Variants in PAPPA2 observed in about 807,000 individuals in gnomAD.
PAPPA2 encodes the protein pappalysin-2.
Under a neutral mutation model 176.4 loss-of-function variants are expected in PAPPA2, and 86 were observed. The ratio of observed to expected loss-of-function variants is 0.49; its 90% CI spans 0.41 to 0.58. The LOEUF (loss-of-function observed/expected upper bound fraction) is 0.58. PAPPA2 is among the 20% of genes least tolerant of loss of function. The probability of loss-of-function intolerance (pLI) is 0.00; values close to 1 mark genes in which losing one functional copy is unlikely to be tolerated. For synonymous variants in PAPPA2, 809 were observed against 852.2 expected (o/e 0.95, Z 0.88); for missense variants, 2,073 against 2,256.9 (o/e 0.92, Z 1.65).
chr1:176,797,988 G>A (rs1327460350), intron 20 of PAPPA2, among the ~76,000 whole-genome samples: 1 of 152,118 alleles, frequency 6.6e-6, no homozygotes, highest in Admixed American at 6.5e-5. Context: ...AAGTCACTGA[G>A]GTAAGAAGTA....
intron 21 of PAPPA2, among the ~76,000 whole-genome samples, chr1:176,838,670 A>G (rs1399629694): frequency 2.0e-5 from 3 of 152,246 alleles, no homozygotes; most frequent in African/African-American, 7.2e-5. Flanking sequence ...CAAGTTCTCT[A>G]GAGCCAGAAT....
chr1:176,604,865 T>C (rs1442263355), intron 3 of PAPPA2, among the ~76,000 whole-genome samples: 1 of 152,200 alleles, frequency 6.6e-6, no homozygotes, highest in Non-Finnish European at 1.5e-5. Context: ...AGGGTTTTAG[T>C]AGAGTAAAAA....
chr1:176,750,693 A>G (rs975628068), intron 14 of PAPPA2, among the ~76,000 whole-genome samples: 1 of 152,354 alleles, frequency 6.6e-6, no homozygotes, highest in African/African-American at 2.4e-5. Context: ...TATATACTGT[A>G]TTCTTACAAA....
intron 9 of PAPPA2, among the ~76,000 whole-genome samples, chr1:176,705,751 A>G (rs962915914): frequency 1.3e-5 from 2 of 152,170 alleles, no homozygotes; most frequent in African/African-American, 2.4e-5. Context: ...CTTCCCTGCA[A>G]TATATGTTAG....
At chr1:176,517,728 C>A (rs76171845) in intron 1 of PAPPA2, among the ~76,000 whole-genome samples, 8,642 of 152,220 alleles carry the variant, frequency 0.057, 362 homozygotes, top group Middle Eastern at 0.095. Context: ...TTTGGAATCA[C>A]TCACCACCGG....
chr1:176,795,299 G>C (rs1397062305), intron 20 of PAPPA2, among the ~76,000 whole-genome samples: 1 of 151,960 alleles, frequency 6.6e-6, no homozygotes, highest in African/African-American at 2.4e-5. Flanking sequence ...CTTCACCCCC[G>C]GTATCTCCTC....
chr1:176,466,481 A>G (rs1231854029), intron 1 of PAPPA2, among the ~76,000 whole-genome samples: 1 of 152,164 alleles, frequency 6.6e-6, no homozygotes, highest in Non-Finnish European at 1.5e-5. Flanking sequence ...ATTAAATATT[A>G]ATATTAGTAT....
At chr1:176,747,632 T>C (rs977984602) in intron 14 of PAPPA2, among the ~76,000 whole-genome samples, 9 of 152,340 alleles carry the variant, frequency 5.9e-5, no homozygotes, top group African/African-American at 1.7e-4. Flanking sequence ...GCCTGGCTTA[T>C]GTGTGTATTA....
chr1:176,661,649 G>T (rs989618690), intron 3 of PAPPA2, among the ~76,000 whole-genome samples: 1 of 151,674 alleles, frequency 6.6e-6, no homozygotes, highest in African/African-American at 2.4e-5. Flanking sequence ...GGCAGAGTAA[G>T]TGAAGGCAGT....
intron 1 of PAPPA2, among the ~76,000 whole-genome samples, chr1:176,508,619 C>G (rs1648429627): frequency 6.6e-6 from 1 of 152,006 alleles, no homozygotes; most frequent in Non-Finnish European, 1.5e-5. Context: ...GTCTCAATGA[C>G]AATGATATGG....
At chr1:176,767,371 G>C (rs760946990) in intron 15 of PAPPA2, among the ~76,000 whole-genome samples, 1 of 152,042 alleles carries the variant, frequency 6.6e-6, no homozygotes, top group East Asian at 1.9e-4. Flanking sequence ...ACGGAGTCTC[G>C]CTCTGTCGCC....
At chr1:176,481,141 T>TTAAG (rs1300674364) in intron 1 of PAPPA2, among the ~76,000 whole-genome samples, 7 of 152,140 alleles carry the variant, frequency 4.6e-5, no homozygotes, top group African/African-American at 1.7e-4. Flanking sequence ...GAATATTGGA[T>TTAAG]TAAGACTGGC....
At chr1:176,626,025 A>C (rs1655986318) in intron 3 of PAPPA2, among the ~76,000 whole-genome samples, 2 of 152,180 alleles carry the variant, frequency 1.3e-5, no homozygotes, top group East Asian at 3.9e-4. Context: ...TCTGTCTCTA[A>C]AAAGATTTGT....
chr1:176,728,011 G>A (rs2102858114), intron 12 of PAPPA2, among the ~76,000 whole-genome samples: 1 of 151,486 alleles, frequency 6.6e-6, no homozygotes, highest in South Asian at 2.1e-4. Flanking sequence ...GTACTTACAG[G>A]GAAATTTATA....
intron 1 of PAPPA2, among the ~76,000 whole-genome samples, chr1:176,536,352 A>G (rs1425680459): frequency 6.6e-6 from 1 of 152,222 alleles, no homozygotes; most frequent in African/African-American, 2.4e-5. Context: ...GATGCTGAAC[A>G]ACATGTTCAG....
rs753676635 is a variant in PAPPA2 at position 176,692,204 on chromosome 1, G to A, written c.2510G>A (p.Trp837Ter). The change falls in exon 6 of 23, where the codon TGG becomes TAG. Residue 837 changes from tryptophan to a stop codon, truncating the protein, a stop_gained. Coordinates refer to ENST00000367662, the MANE Select transcript of PAPPA2 (RefSeq NM_020318.3). LOFTEE classifies it high-confidence loss of function. ...TATTTGGACCTAGTCTATCAGCAGT[G>A]GACTGAAAGCAGAAAGCCCACCCCC... ...HCYLDLVYQQ[W>*]TESRKPTPIP... 1 of 1,613,968 alleles carries A rather than the reference G, an allele frequency of 6.2e-7. No individual in the cohort carries two copies. The highest frequency in any genetic ancestry group is 8.5e-7 in the Non-Finnish European group (1 of 1,179,926).
At chr1:176,474,130 A>T (rs759354705) in intron 1 of PAPPA2, among the ~76,000 whole-genome samples, 27 of 152,238 alleles carry the variant, frequency 1.8e-4, no homozygotes, top group South Asian at 4.1e-4. Flanking sequence ...TTCCCCTAAA[A>T]GCTGTGTCTA....
In PAPPA2 at chr1:176,556,883, C is replaced by T; in HGVS notation, c.561C>T (p.Thr187=). Residue 187 remains threonine, a synonymous_variant, in exon 2 of 23, where the codon ACC becomes ACT. Coordinates refer to ENST00000367662, the MANE Select transcript of PAPPA2 (RefSeq NM_020318.3). ...CCCTGAACGAACCCAAACCAGAGAC[C>T]CAAAGGAGGGGCTGGGCCAAGTCCA... ...FTTLNEPKPE[T]QRRGWAKSRQ... is the part of the protein sequence containing the mutation. 1 of 1,614,090 alleles carries T rather than the reference C, an allele frequency of 6.2e-7. No individual in the cohort carries two copies. Among genetic ancestry groups the T allele is most frequent in the Non-Finnish European group, 8.5e-7 (1 of 1,180,028 alleles).
Position 176,671,053 on chromosome 1 carries a change from T to C in PAPPA2, c.2075T>C (p.Val692Ala). 6.2e-7 allele frequency: 1 copy of C among 1,614,000 alleles called. No homozygotes were observed. Among genetic ancestry groups the C allele is most frequent in the Non-Finnish European group, 8.5e-7 (1 of 1,179,922 alleles). Reference sequence around the variant, plus strand: ...CTCAACATCTACTTTGCCAGCTCAGTGCGGGAAGACCTTGCAGGTGCTGCC... The same window carrying C: ...CTCAACATCTACTTTGCCAGCTCAGCGCGGGAAGACCTTGCAGGTGCTGCC... ...HFLNIYFASS[V>A]REDLAGAATW... Residue 692 changes from valine to alanine, a missense_variant, in exon 4 of 23, where the codon GTG becomes GCG. By Grantham distance (64) the Val-to-Ala change is moderately conservative. Transcript: ENST00000367662.
Sources: gnomAD v4.1 joint callset for allele counts (sites outside exome capture counted in the v4.1 genomes callset) on GRCh38, gnomAD v4.1.1 for gene constraint, MANE v1.5 for transcripts, NCBI Gene and HGNC (gene_info 2026-07-23, HGNC 2026-07-21) for gene names.